The following SLC18A1 variants were observed in gnomAD, a reference collection of about 807,000 sequenced individuals.
SLC18A1 encodes the protein chromaffin granule amine transporter.
In SLC18A1, 69 loss-of-function variants were observed where a neutral mutation model predicts 53.7. That is an observed-to-expected ratio of 1.28 (90% confidence interval 1.06 to 1.57). The LOEUF is 1.57. Ranked by LOEUF, SLC18A1 falls within the 40% of genes most tolerant of loss-of-function variation. The pLI, the probability that SLC18A1 is intolerant of heterozygous loss-of-function variation, is 0.00. For missense variants in SLC18A1, 932 were observed against 668.1 expected (o/e 1.40, Z -4.35); for synonymous variants, 320 against 248.1 (o/e 1.29, Z -2.72).
intron 10 of SLC18A1, among the ~76,000 whole-genome samples, chr8:20,154,388 G>A (rs116554575): frequency 1.3e-5 from 2 of 152,182 alleles, no homozygotes; most frequent in Non-Finnish European, 2.9e-5. Flanking sequence ...GATGTTGACA[G>A]CTTTAATGAA....
At chr8:20,152,615 A>G (rs2071586147) in intron 10 of SLC18A1, among the ~76,000 whole-genome samples, 2 of 151,998 alleles carry the variant, frequency 1.3e-5, no homozygotes, top group Non-Finnish European at 2.9e-5. Flanking sequence ...GCATGGGGGG[A>G]ACGTGAGAGG....
chr8:20,147,137 G>A (rs2071420807), intron 15 of SLC18A1, 121 bp downstream of exon 15: 6 of 1,060,036 alleles, frequency 5.7e-6, no homozygotes, highest in South Asian at 5.6e-5. Flanking sequence ...ACATGGCAAA[G>A]CAGAGAGAGT....
chr8:20,179,096 C>T (rs780170876), intron 3 of SLC18A1, 25 bp downstream of exon 3: 51 of 1,594,452 alleles, frequency 3.2e-5, no homozygotes, highest in South Asian at 1.0e-4. Flanking sequence ...GTGTACCCTG[C>T]GGGGCACTGC....
intron 10 of SLC18A1, among the ~76,000 whole-genome samples, chr8:20,160,883 G>C (rs2071813766): frequency 1.3e-5 from 2 of 152,006 alleles, no homozygotes. Context: ...GGGCATTTGA[G>C]AGAGAAAAGA....
In SLC18A1 at chr8:20,147,296, A is replaced by C; in HGVS notation, c.1426T>G (p.Tyr476Asp). ...TTTGCCGGGGGGCTCCGCAGGTAGT[A>C]GCAGAGTGGAGCATAGACGATGTTG... is the stretch of plus-strand genomic sequence containing the variant. ...VINIVYAPLCYYLRSPPAKEE... is the reference protein window; with the variant it reads ...VINIVYAPLCDYLRSPPAKEE... Residue 476 changes from tyrosine (Y) to aspartate (D), a missense_variant, in exon 15 of 16, where the codon TAC becomes GAC. By Grantham distance (160) the Tyr-to-Asp change is radical. Transcript: ENST00000276373. The C allele has an allele frequency of 6.2e-7, 1 of 1,612,938 alleles. No individual in the cohort carries two copies. Among genetic ancestry groups the C allele is most frequent in the Non-Finnish European group, 8.5e-7 (1 of 1,179,648 alleles).
At chr8:20,173,372 C>T (rs546731723) in intron 5 of SLC18A1, among the ~76,000 whole-genome samples, 1 of 152,300 alleles carries the variant, frequency 6.6e-6, no homozygotes, top group Admixed American at 6.5e-5. Flanking sequence ...AAGGATAACA[C>T]AGAAAATCCA....
intron 8 of SLC18A1, among the ~76,000 whole-genome samples, chr8:20,168,176 C>T (rs2128876005): frequency 6.6e-6 from 1 of 152,116 alleles, no homozygotes; most frequent in Admixed American, 6.5e-5. Context: ...GAGTTCAAGG[C>T]CAGCCTGGGC....
At chr8:20,177,495 C>T (rs1563770268) in intron 4 of SLC18A1, among the ~76,000 whole-genome samples, 1 of 151,812 alleles carries the variant, frequency 6.6e-6, no homozygotes, top group Non-Finnish European at 1.5e-5. Flanking sequence ...GTCATGGAGT[C>T]GGGGGAGAGG....
At position 20,147,324 on chromosome 8, in the gene SLC18A1, G is replaced by A. The variant is rs146519968; in HGVS notation, c.1398C>T (p.Val466=). 101 of 1,613,486 alleles carry A rather than the reference G, an allele frequency of 6.3e-5. No homozygotes were observed. The highest frequency in any genetic ancestry group is 7.7e-5 in the Non-Finnish European group (91 of 1,179,908). The change falls in exon 15 of 16, where the codon GTC becomes GTT. Residue 466 remains valine, a synonymous_variant. Transcript: ENST00000276373. ...AGAGTGGAGCATAGACGATGTTGAT[G>A]ACCCCAGTGATGACCATGAGCCAGG... The part of the protein sequence containing the change: ...GFPWLMVITG[V]INIVYAPLCY...
chr8:20,149,546 A>G, intron 12 of SLC18A1, 130 bp downstream of exon 12: 1 of 718,800 alleles, frequency 1.4e-6, no homozygotes, highest in Non-Finnish European at 2.3e-6. Context: ...ATCTTAAAGG[A>G]AATTAGTCTT....
chr8:20,153,815 T>C (rs781329608), intron 10 of SLC18A1, among the ~76,000 whole-genome samples: 10 of 152,268 alleles, frequency 6.6e-5, no homozygotes, highest in Admixed American at 3.9e-4. Flanking sequence ...GAGAACTGGA[T>C]TGTTTGGAAT....
intron 4 of SLC18A1, 55 bp from the exon 5 acceptor site, chr8:20,174,499 C>T (rs965392731): frequency 8.2e-7 from 1 of 1,217,370 alleles, no homozygotes; most frequent in Non-Finnish European, 1.2e-6. Flanking sequence ...TTTGCTTCCC[C>T]AGCCGCCAGA....
At chr8:20,161,257 A>G (rs2071823425) in intron 10 of SLC18A1, among the ~76,000 whole-genome samples, 1 of 152,186 alleles carries the variant, frequency 6.6e-6, no homozygotes, top group South Asian at 2.1e-4. Context: ...TCCAGCTGTG[A>G]GCGTGTGAAA....
intron 2 of SLC18A1, among the ~76,000 whole-genome samples, chr8:20,180,022 G>T (rs567962706): frequency 3.0e-4 from 46 of 152,174 alleles, no homozygotes; most frequent in South Asian, 1.9e-3. Flanking sequence ...GAGGCCTTGG[G>T]CAAGTCACTT....
At chr8:20,150,128 C>T (rs1229961767) in intron 11 of SLC18A1, among the ~76,000 whole-genome samples, 1 of 152,148 alleles carries the variant, frequency 6.6e-6, no homozygotes, top group Non-Finnish European at 1.5e-5. Flanking sequence ...CAGAAAGTAC[C>T]AAACTTCTTT....
chr8:20,179,664 CT>C (rs2072368865), intron 2 of SLC18A1, among the ~76,000 whole-genome samples, 180 bp from the exon 3 acceptor site: 1 of 152,182 alleles, frequency 6.6e-6, no homozygotes, highest in Admixed American at 6.5e-5. Context: ...GAGGTTCAGC[CT>C]TATGCCCAAG....
At chr8:20,169,891 A>G (rs1299375670) in intron 8 of SLC18A1, among the ~76,000 whole-genome samples, 2 of 152,152 alleles carry the variant, frequency 1.3e-5, no homozygotes, top group Non-Finnish European at 2.9e-5. Flanking sequence ...AAAAGTAGAT[A>G]TTTATGGGTG....
chr8:20,171,501 A>G lies in SLC18A1; in HGVS notation c.725-7T>C. The stretch of plus-strand genomic sequence containing the variant: ...CTTCCAAAGGGAGCTCCCACTGGAG[A>G]GGCATAGGAGACACAGATTCCAGAG... On this transcript the variant is annotated splice_polypyrimidine_tract_variant and splice_region_variant and intron_variant, in intron 6 of 15. Coordinates refer to ENST00000276373, the MANE Select transcript of SLC18A1 (RefSeq NM_003053.4). 1 of 1,608,278 alleles carries G rather than the reference A, an allele frequency of 6.2e-7. No individual in the cohort carries two copies. The highest frequency in any genetic ancestry group is 1.7e-5 in the Admixed American group (1 of 60,002).
intron 3 of SLC18A1, among the ~76,000 whole-genome samples, chr8:20,178,723 G>A (rs984038392): frequency 6.6e-6 from 1 of 152,160 alleles, no homozygotes; most frequent in African/African-American, 2.4e-5. Context: ...TTCCAGAAAT[G>A]ATAGCCTAGG....
Sources: allele counts gnomAD v4.1 joint callset (sites outside exome capture counted in the v4.1 genomes callset), GRCh38; gene constraint gnomAD v4.1.1; transcripts MANE v1.5; gene names NCBI Gene and HGNC (gene_info 2026-07-23, HGNC 2026-07-21).